JARID2: variants seen among roughly 807,000 people sequenced by gnomAD.
JARID2 encodes jumonji and AT-rich interaction domain containing 2.
JARID2 carries 21 observed loss-of-function variants against 125.6 expected under a neutral mutation model. That is an observed-to-expected ratio of 0.17 (90% CI 0.12 to 0.24). The LOEUF is 0.24. JARID2 is among the 10% of genes least tolerant of loss of function. JARID2 has a pLI of 1.00. For missense variants in JARID2, 1,303 were observed against 1,639.6 expected, an observed-to-expected ratio of 0.79 and a Z score of 3.55; for synonymous variants, 736 against 661.6, an observed-to-expected ratio of 1.11 and a Z score of -1.73.
chr6:15,394,283 T>G (rs1249852204), intron 2 of JARID2, among the ~76,000 whole-genome samples: 1 of 152,276 alleles, frequency 6.6e-6, no homozygotes, highest in Admixed American at 6.5e-5. Flanking sequence ...GCTTACTCTT[T>G]GACAGCATAA....
rs1007530024 is a variant in JARID2, at chr6:15,521,142, A to G, written c.*891A>G. The G allele has an allele frequency of 3.6e-5, 6 of 165,888 alleles. No homozygotes were observed. The South Asian group carries it at 5.1e-4, about 14-fold the overall frequency. 10.3% of individuals were successfully genotyped at this position (165,888 alleles called of 1,614,324 possible). Reference sequence around the variant, plus strand: ...AGTGCTTCTTTGTCATCGACGTGCAATCTTTCTAACATTCCATCTCCATCT... The same window carrying G: ...AGTGCTTCTTTGTCATCGACGTGCAGTCTTTCTAACATTCCATCTCCATCT... On this transcript the variant is annotated 3_prime_UTR_variant, in exon 18 of 18. Coordinates refer to ENST00000341776, the MANE Select transcript of JARID2 (RefSeq NM_004973.4).
intron 1 of JARID2, among the ~76,000 whole-genome samples, chr6:15,322,386 A>G (rs1280517279): frequency 1.3e-5 from 2 of 152,196 alleles, no homozygotes; most frequent in Non-Finnish European, 2.9e-5. Context: ...CTCTGGACCA[A>G]TTATTGATTT....
At chr6:15,444,688 G>A (rs1417994512) in intron 3 of JARID2, among the ~76,000 whole-genome samples, 2 of 150,866 alleles carry the variant, frequency 1.3e-5, no homozygotes, top group Admixed American at 6.6e-5. Context: ...GGCACAAAGA[G>A]CGCAGCCATG....
At chr6:15,343,147 TGAACTCGG>T (rs1438930544) in intron 1 of JARID2, among the ~76,000 whole-genome samples, 1 of 148,900 alleles carries the variant, frequency 6.7e-6, no homozygotes, top group East Asian at 2.0e-4. Context: ...GAGAAGCACT[TGAACTCGG>T]GAGGTGGAGG....
intron 2 of JARID2, among the ~76,000 whole-genome samples, chr6:15,385,957 T>G (rs2127534642): frequency 6.6e-6 from 1 of 152,332 alleles, no homozygotes; most frequent in South Asian, 2.1e-4. Flanking sequence ...AGGGTCAGCC[T>G]TGTGTCCTTT....
intron 1 of JARID2, among the ~76,000 whole-genome samples, chr6:15,367,005 G>C (rs1177691378): frequency 6.6e-6 from 1 of 151,846 alleles, no homozygotes; most frequent in East Asian, 1.9e-4. Context: ...TTTTTGGTTT[G>C]TTTTTAATTG....
chr6:15,464,715 TC>T (rs778054787), intron 4 of JARID2, among the ~76,000 whole-genome samples: 1 of 152,238 alleles, frequency 6.6e-6, no homozygotes, highest in Non-Finnish European at 1.5e-5. Flanking sequence ...TTCCCAGTCT[TC>T]CTTCCATTCA....
intron 1 of JARID2, among the ~76,000 whole-genome samples, chr6:15,308,909 GAA>G (rs142392110): frequency 2.5e-3 from 375 of 152,318 alleles, no homozygotes; most frequent in African/African-American, 8.6e-3. Flanking sequence ...AGTTTAATTT[GAA>G]AGAGTGCAGT....
intron 1 of JARID2, among the ~76,000 whole-genome samples, chr6:15,315,560 C>T (rs752573998): frequency 5.3e-5 from 8 of 152,222 alleles, no homozygotes; most frequent in African/African-American, 9.6e-5. Context: ...GAAGTAGTCA[C>T]GTATCTAGAG....
chr6:15,292,270 C>G (rs1027061315), intron 1 of JARID2, among the ~76,000 whole-genome samples: 4 of 152,172 alleles, frequency 2.6e-5, no homozygotes, highest in African/African-American at 9.7e-5. Flanking sequence ...ATCCGCCCGC[C>G]TCAGCCTCCC....
intron 3 of JARID2, among the ~76,000 whole-genome samples, chr6:15,439,643 C>T (rs776516025): frequency 9.9e-5 from 15 of 152,202 alleles, no homozygotes; most frequent in Non-Finnish European, 2.1e-4. Flanking sequence ...TTCAGAATTA[C>T]ACACAGCTTG....
chr6:15,469,355 CTCTCTCCT>C (rs1768938756), intron 5 of JARID2, among the ~76,000 whole-genome samples: 1 of 19,256 alleles, frequency 5.2e-5, no homozygotes, highest in Admixed American at 6.5e-4. Flanking sequence ...CTCTCTCTCT[CTCTCTCCT>C]CCCCTTCTCC....
At chr6:15,462,607 C>G (rs747398276) in intron 4 of JARID2, among the ~76,000 whole-genome samples, 2 of 152,236 alleles carry the variant, frequency 1.3e-5, no homozygotes, top group Non-Finnish European at 2.9e-5. Flanking sequence ...ACTTTTCATT[C>G]TGTTTATGTA....
At chr6:15,431,584 C>A (rs929044594) in intron 3 of JARID2, among the ~76,000 whole-genome samples, 3 of 152,192 alleles carry the variant, frequency 2.0e-5, no homozygotes, top group African/African-American at 7.2e-5. Flanking sequence ...ATTCACATTT[C>A]TTGGTTCAAG....
At position 15,487,446 on chromosome 6, in the gene JARID2, C is replaced by T. The variant is rs369604217; in HGVS notation, c.810C>T (p.Pro270=). 238 of 1,614,240 alleles carry T rather than the reference C, an allele frequency of 1.5e-4. No homozygotes were observed. Among genetic ancestry groups the T allele is most frequent in the Non-Finnish European group, 1.8e-4 (216 of 1,180,048 alleles). The change falls in exon 6 of 18, where the codon CCC becomes CCT. Residue 270 remains proline, a synonymous_variant. Transcript: ENST00000341776. ...GGGAGCAGGCTTCAGCTAACCACCCCGCAGCGGCCCCCTCCACGGGTTCCT... is the reference window on the plus strand; with the variant it reads ...GGGAGCAGGCTTCAGCTAACCACCCTGCAGCGGCCCCCTCCACGGGTTCCT... The part of the protein sequence containing the change: ...SRREQASANH[P]AAAPSTGSSA...
chr6:15,391,229 C>G (rs1470343555), intron 2 of JARID2, among the ~76,000 whole-genome samples: 1 of 152,150 alleles, frequency 6.6e-6, no homozygotes, highest in Non-Finnish European at 1.5e-5. Context: ...GCGGCCCTGA[C>G]AAGCATGGAA....
At chr6:15,378,462 C>T (rs991285435) in intron 2 of JARID2, among the ~76,000 whole-genome samples, 4 of 152,034 alleles carry the variant, frequency 2.6e-5, no homozygotes, top group African/African-American at 9.7e-5. Context: ...AGGTTGGGGA[C>T]AGTGACATGC....
At chr6:15,314,292 G>GT (rs1445335951) in intron 1 of JARID2, among the ~76,000 whole-genome samples, 1 of 151,774 alleles carries the variant, frequency 6.6e-6, no homozygotes, top group Non-Finnish European at 1.5e-5. Flanking sequence ...TATTTATGTG[G>GT]TTTTGGCTTT....
At chr6:15,299,925 C>T (rs541289366) in intron 1 of JARID2, among the ~76,000 whole-genome samples, 5 of 152,114 alleles carry the variant, frequency 3.3e-5, no homozygotes, top group Non-Finnish European at 5.9e-5. Context: ...GGGTCCTGTC[C>T]GGCCAGTGTT....
Sources: gnomAD v4.1 joint callset for allele counts (sites outside exome capture counted in the v4.1 genomes callset) on GRCh38, gnomAD v4.1.1 for gene constraint, MANE v1.5 for transcripts, NCBI Gene and HGNC (gene_info 2026-07-23, HGNC 2026-07-21) for gene names.